The following PPP3CB variants were observed in gnomAD, a reference collection of about 807,000 sequenced individuals.
The protein encoded by PPP3CB is protein phosphatase 3 catalytic subunit beta.
Under a neutral mutation model 66.4 loss-of-function variants are expected in PPP3CB, and 8 were observed. That is an observed-to-expected ratio of 0.12 (90% confidence interval 0.07 to 0.22). The LOEUF (loss-of-function observed/expected upper bound fraction) is 0.22. Ranked by LOEUF, PPP3CB falls within the 10% of genes least tolerant of loss-of-function variation. The pLI is 1.00. For missense variants in PPP3CB, 319 were observed against 642.5 expected (o/e 0.50, Z 5.44); for synonymous variants, 208 against 221.2 (o/e 0.94, Z 0.53).
At chr10:73,461,354 G>A (rs1241794695) in intron 9 of PPP3CB, among the ~76,000 whole-genome samples, 1 of 152,112 alleles carries the variant, frequency 6.6e-6, no homozygotes, top group Non-Finnish European at 1.5e-5. Context: ...GTCTGAGGCA[G>A]GGTAATCACT....
At chr10:73,476,059 C>T (rs1181163940) in intron 3 of PPP3CB, among the ~76,000 whole-genome samples, 2 of 150,356 alleles carry the variant, frequency 1.3e-5, no homozygotes, top group Non-Finnish European at 3.0e-5. Context: ...CAGGGTTTCA[C>T]CATGTTTCCC....
chr10:73,476,309 C>CA (rs373332139), intron 3 of PPP3CB, among the ~76,000 whole-genome samples: 4 of 152,192 alleles, frequency 2.6e-5, no homozygotes, highest in African/African-American at 9.6e-5. Flanking sequence ...TTTATAACAA[C>CA]AAAATGTATT....
intron 1 of PPP3CB, among the ~76,000 whole-genome samples, chr10:73,492,001 C>T (rs188472139): frequency 1.3e-5 from 2 of 149,088 alleles, no homozygotes; most frequent in Non-Finnish European, 3.0e-5. Context: ...AATAAATAAA[C>T]AAAAAGTAAT....
At position 73,446,132 on chromosome 10, in the gene PPP3CB, C is replaced by G. The variant is rs540199434; in HGVS notation, c.1268+360G>C. On this transcript the variant is annotated intron_variant, in intron 11 of 13. Coordinates refer to ENST00000360663, the MANE Select transcript of PPP3CB (RefSeq NM_021132.4). ...TCTTTTTTTTTTTTTTTAGACAGAG[C>G]CTTGCTCAGTCGCCCAGTCTGGAGT... 1.5e-3 allele frequency among the ~76,000 whole-genome samples: 223 copies of G among 149,446 alleles called. 7 individuals carry two copies. Among genetic ancestry groups the G allele is most frequent in the African/African-American group, 4.9e-3 (196 of 40,288 alleles).
intron 3 of PPP3CB, among the ~76,000 whole-genome samples, chr10:73,477,847 G>T (rs1321512768): frequency 6.6e-6 from 1 of 151,974 alleles, no homozygotes. Flanking sequence ...AGCTCAAGAG[G>T]TCAAGGCTAC....
chr10:73,457,873 C>G (rs2056455982), intron 9 of PPP3CB, among the ~76,000 whole-genome samples: 1 of 151,930 alleles, frequency 6.6e-6, no homozygotes, highest in African/African-American at 2.4e-5. Flanking sequence ...CATGAAACAA[C>G]TGAGACAGAA....
At chr10:73,485,225 T>C (rs2056952305) in intron 1 of PPP3CB, among the ~76,000 whole-genome samples, 1 of 152,160 alleles carries the variant, frequency 6.6e-6, no homozygotes, top group Non-Finnish European at 1.5e-5. Flanking sequence ...CGCAAGGTAT[T>C]TTCACTCACA....
rs2056827052 is a variant in PPP3CB, at chr10:73,478,630, C to G, written c.287-7G>C. 6.2e-7 allele frequency: 1 copy of G among 1,602,758 alleles called. No homozygotes were observed. The highest frequency in any genetic ancestry group is 8.5e-7 in the Non-Finnish European group (1 of 1,176,366). ...CCATGGATGTCACCACACACTGAAA[C>G]AAGAAGATTATTAGATAAGGGAAAA... is the stretch of plus-strand genomic sequence containing the variant. On this transcript the variant is annotated splice_region_variant and splice_polypyrimidine_tract_variant and intron_variant, in intron 2 of 13. Transcript: ENST00000360663.
At chr10:73,461,635 A>G (rs1184821151) in intron 9 of PPP3CB, among the ~76,000 whole-genome samples, 1 of 152,182 alleles carries the variant, frequency 6.6e-6, no homozygotes, top group Non-Finnish European at 1.5e-5. Context: ...GGTAGAAGGA[A>G]CTAGGCTTGA....
chr10:73,441,210 G>A (rs1321783967), intron 12 of PPP3CB, among the ~76,000 whole-genome samples: 1 of 152,226 alleles, frequency 6.6e-6, no homozygotes, highest in African/African-American at 2.4e-5. Flanking sequence ...GTTAGAAAAT[G>A]TTGATCTTAA....
chr10:73,495,860 T>C lies in PPP3CB; in HGVS notation c.30A>G (p.Ala10=), dbSNP rs1191587465. The C allele has an allele frequency of 4.0e-6, 5 of 1,252,086 alleles. No individual in the cohort carries two copies. The highest frequency in any genetic ancestry group is 5.2e-6 in the Non-Finnish European group (5 of 966,438). The allele number at this position is 1,252,086 out of a possible 1,614,324, so 77.6% of individuals were successfully genotyped here. ...GCGGCGGGGGCGGGGGTGGGGGCGG[T>C]GCAGCCCGGGCCGGCTCCGGGGCGG... The part of the protein sequence containing the change: MAAPEPARA[A]PPPPPPPPPP... Residue 10 remains alanine, a synonymous_variant, in exon 1 of 14, where the codon GCA becomes GCG. Coordinates refer to ENST00000360663, the MANE Select transcript of PPP3CB (RefSeq NM_021132.4).
At chr10:73,495,636 C>G in intron 1 of PPP3CB, 169 bp downstream of exon 1, 2 of 1,023,388 alleles carry the variant, frequency 2.0e-6, no homozygotes, top group Non-Finnish European at 2.6e-6. Flanking sequence ...ACCACTGCCA[C>G]CGACTCAGCC....
intron 12 of PPP3CB, 79 bp from the exon 13 acceptor site, chr10:73,439,980 G>T: frequency 7.1e-7 from 1 of 1,401,180 alleles, no homozygotes; most frequent in South Asian, 1.2e-5. Flanking sequence ...AAAAGGCAAT[G>T]ATCACTTAAA....
intron 10 of PPP3CB, among the ~76,000 whole-genome samples, chr10:73,453,083 A>G (rs2056371884): frequency 1.3e-5 from 2 of 152,250 alleles, no homozygotes; most frequent in Admixed American, 1.3e-4. Flanking sequence ...ACTATAATTT[A>G]CTACTATATA....
At position 73,438,238 on chromosome 10, in the gene PPP3CB, T is replaced by C. The variant is rs751608335; in HGVS notation, c.*4A>G. The C allele has an allele frequency of 1.9e-6, 3 of 1,610,106 alleles. No individual in the cohort carries two copies. Among genetic ancestry groups the C allele is most frequent in the East Asian group, 2.2e-5 (1 of 44,726 alleles). On this transcript the variant is annotated 3_prime_UTR_variant, in exon 14 of 14. Coordinates refer to ENST00000360663, the MANE Select transcript of PPP3CB (RefSeq NM_021132.4). ...AGATGTGAGAGTCCCTGGGAAGTAG[T>C]GGGTCACTGGGCAGTATGGTTGCCC...
chr10:73,495,661 C>T (rs1345126353), intron 1 of PPP3CB, 144 bp downstream of exon 1: 17 of 1,275,086 alleles, frequency 1.3e-5, no homozygotes, highest in Non-Finnish European at 1.7e-5. Context: ...CCAGCAGGGG[C>T]CCGCCCAGGG....
rs574982949 is a variant in PPP3CB at position 73,477,038 on chromosome 10, A to G, written c.411+1461T>C. 9.2e-4 allele frequency: 388 copies of G among 419,620 alleles called. 2 individuals carry two copies. The highest frequency in any genetic ancestry group is 2.6e-3 in the Admixed American group (85 of 32,592). 26.0% of individuals were successfully genotyped at this position (419,620 alleles called of 1,614,324 possible). The stretch of plus-strand genomic sequence containing the variant: ...TCTACTAGGGAAGGTGGTTAAAAGC[A>G]TATGCTGGGAGTCACATTGCCTGGC... On this transcript the variant is annotated intron_variant, in intron 3 of 13. Coordinates refer to ENST00000360663, the MANE Select transcript of PPP3CB (RefSeq NM_021132.4).
intron 1 of PPP3CB, among the ~76,000 whole-genome samples, chr10:73,480,539 G>A (rs1166711990): frequency 2.0e-5 from 3 of 151,402 alleles, no homozygotes. Flanking sequence ...TCGCCTCCCG[G>A]GTTCAAGGGA....
chr10:73,464,572 T>C (rs888764324), intron 9 of PPP3CB, among the ~76,000 whole-genome samples: 1 of 152,184 alleles, frequency 6.6e-6, no homozygotes, highest in Non-Finnish European at 1.5e-5. Context: ...CATACATTTA[T>C]ACATGAATTT....
Sources: allele counts gnomAD v4.1 joint callset (sites outside exome capture counted in the v4.1 genomes callset), GRCh38; gene constraint gnomAD v4.1.1; transcripts MANE v1.5; gene names NCBI Gene and HGNC (gene_info 2026-07-23, HGNC 2026-07-21).